The following SHISA4 variants were observed in gnomAD, a reference collection of about 807,000 sequenced individuals.
SHISA4 encodes the protein protein shisa-4.
Under a neutral mutation model 24.2 loss-of-function variants are expected in SHISA4, and 16 were observed. The observed-to-expected ratio is 0.66, with a 90% CI of 0.45 to 1.00. The LOEUF (loss-of-function observed/expected upper bound fraction) is 1.00. SHISA4 is among the 50% of genes least tolerant of loss of function. SHISA4 has a pLI of 0.00. For missense variants in SHISA4, 238 were observed against 258.9 expected, an observed-to-expected ratio of 0.92 and a Z score of 0.55; for synonymous variants, 106 against 105.4, an observed-to-expected ratio of 1.01 and a Z score of -0.04.
chr1:201,890,263 C>T (rs1248270544), intron 2 of SHISA4, among the ~76,000 whole-genome samples, 191 bp from the exon 3 acceptor site: 5 of 152,208 alleles, frequency 3.3e-5, no homozygotes, highest in Non-Finnish European at 7.3e-5. Flanking sequence ...CACTAGCCAG[C>T]CAGGCAGCAT....
intron 2 of SHISA4, 64 bp downstream of exon 2, chr1:201,889,680 C>G: frequency 6.3e-7 from 1 of 1,574,908 alleles, no homozygotes; most frequent in Non-Finnish European, 8.7e-7. Flanking sequence ...CCTCCTCTTC[C>G]TCCCTCCCGG....
In SHISA4 at chr1:201,891,588, C is replaced by T. The variant is rs752020167; in HGVS notation, c.547+20C>T. The T allele has an allele frequency of 6.3e-7, 1 of 1,594,814 alleles. No individual in the cohort carries two copies. Among genetic ancestry groups the T allele is most frequent in the South Asian group, 1.1e-5 (1 of 88,198 alleles). ...CTGCAGGTAAGTAAGCAATCTGGAG[C>T]CCCTTGCTGCTGCCTTCCCCCACCC... On this transcript the variant is annotated intron_variant, in intron 4 of 4. Coordinates refer to ENST00000362011, the MANE Select transcript of SHISA4 (RefSeq NM_198149.3).
chr1:201,890,526 C>T lies in SHISA4; in HGVS notation c.318C>T (p.Cys106=). 6.2e-7 allele frequency: 1 copy of T among 1,614,258 alleles called. No individual in the cohort carries two copies. The highest frequency in any genetic ancestry group is 1.3e-5 in the African/African-American group (1 of 75,064). ...CTGTGGTTGCCACCACCATCTGCTG[C>T]TTCCTCTGTTCCTGTTGCTACCTGT... ...FVAVVATTIC[C]FLCSCCYLYR... Residue 106 remains cysteine, a synonymous_variant, in exon 3 of 5, where the codon TGC becomes TGT. Transcript: ENST00000362011.
rs115750659 is a variant in SHISA4, at chr1:201,892,315, G to A, written c.*469G>A. 539 of 184,538 alleles carry A rather than the reference G, an allele frequency of 2.9e-3. 4 individuals are homozygous for A. Among genetic ancestry groups the A allele is most frequent in the Admixed American group, 4.3e-3 (75 of 17,366 alleles). The allele number at this position is 184,538 out of a possible 1,614,324, so 11.4% of individuals were successfully genotyped here. On this transcript the variant is annotated 3_prime_UTR_variant, in exon 5 of 5. Transcript: ENST00000362011. ...TGTAAAGACATAACTCATATCAGTC[G>A]CATCATTGGACCCATCCACACCTTC... is the stretch of plus-strand genomic sequence containing the variant.
intron 1 of SHISA4, 94 bp from the exon 2 acceptor site, chr1:201,889,351 C>T: frequency 3.9e-6 from 6 of 1,534,584 alleles, no homozygotes; most frequent in Non-Finnish European, 5.3e-6. Context: ...GTTCGGGAGC[C>T]GTCAGGCTGG....
Position 201,890,573 on chromosome 1 carries a change from A to G in SHISA4, c.365A>G (p.Gln122Arg). 6.2e-7 allele frequency: 1 copy of G among 1,614,226 alleles called. No homozygotes were observed. The highest frequency in any genetic ancestry group is 1.3e-5 in the African/African-American group (1 of 75,062). Reference protein sequence around the residue: ...CYLYRRRQQLQSPFEGQEIPM... With the variant: ...CYLYRRRQQLRSPFEGQEIPM... ...CTGTACCGCCGGCGCCAGCAGCTCC[A>G]GAGCCCATTTGAAGGTACACCCAGT... The change falls in exon 3 of 5, where the codon CAG (glutamine) becomes CGG (arginine). Residue 122 changes from glutamine (Q) to arginine (R), a missense_variant. Gln to Arg is a conservative substitution (Grantham distance 43, BLOSUM62 1). Coordinates refer to ENST00000362011, the MANE Select transcript of SHISA4 (RefSeq NM_198149.3).
In SHISA4 at chr1:201,890,368, C is replaced by T. The variant is rs531917098; in HGVS notation, c.246-86C>T. 7.8e-5 allele frequency: 120 copies of T among 1,542,250 alleles called. No individual in the cohort carries two copies. In the African/African-American group the frequency reaches 1.5e-3, roughly 19 times the overall value. The stretch of plus-strand genomic sequence containing the variant: ...CCAAATCTCAGCATGCCATGGCCCC[C>T]CTGCTGGCCAGGAGTTGGAGCCAGC... On this transcript the variant is annotated intron_variant, in intron 2 of 4. Transcript: ENST00000362011.
intron 4 of SHISA4, 41 bp downstream of exon 4, chr1:201,891,609 C>G (rs1681101844): frequency 6.3e-7 from 1 of 1,582,292 alleles, no homozygotes; most frequent in Non-Finnish European, 8.6e-7. Context: ...TGCCTTCCCC[C>G]ACCCCTTGCC....
At chr1:201,890,739 T>A in intron 3 of SHISA4, 152 bp downstream of exon 3, 1 of 1,028,378 alleles carries the variant, frequency 9.7e-7, no homozygotes, top group Non-Finnish European at 1.4e-6. Context: ...AAAATGCTTG[T>A]AAACCCGTGA....
At chr1:201,889,407 C>T in intron 1 of SHISA4, 38 bp from the exon 2 acceptor site, 1 of 1,606,442 alleles carries the variant, frequency 6.2e-7, no homozygotes. Flanking sequence ...GATGAACTGG[C>T]CTGGTGGCCA....
rs1164104358 is a variant in SHISA4 at position 201,889,553 on chromosome 1, AC to A, written c.183del (p.Cys62AlafsTer5). On this transcript the variant is annotated frameshift_variant, in exon 2 of 5. Transcript: ENST00000362011. LOFTEE classifies it high-confidence loss of function. The part of the protein sequence containing the change: ...TFCCGTCYHR[Y>X]CCRDLTLLIT... ...TGCTGCGGGACCTGCTACCATCGGT[AC>A]TGCTGCAGGGACCTGACCTTGCTTA... is the stretch of plus-strand genomic sequence containing the variant. 2 of 1,613,936 alleles carry A rather than the reference AC, an allele frequency of 1.2e-6. No homozygotes were observed. The highest frequency in any genetic ancestry group is 1.7e-6 in the Non-Finnish European group (2 of 1,179,978).
chr1:201,890,962 TGCCTGAGTGTTG>T (rs1293526296), intron 3 of SHISA4, among the ~76,000 whole-genome samples: 1 of 152,152 alleles, frequency 6.6e-6, no homozygotes, highest in Non-Finnish European at 1.5e-5. Context: ...GCAAAATATG[TGCCTGAGTGTTG>T]GCATGTGATG....
Position 201,891,970 on chromosome 1 carries a change from C to A in SHISA4, c.*124C>A. ...CCAGCCACCAGGCCCCAGACCAAGCCAAGCCCTGGGCCCTACTGGGGACAG... is the reference window on the plus strand; with the variant it reads ...CCAGCCACCAGGCCCCAGACCAAGCAAAGCCCTGGGCCCTACTGGGGACAG... On this transcript the variant is annotated 3_prime_UTR_variant, in exon 5 of 5. Coordinates refer to ENST00000362011, the MANE Select transcript of SHISA4 (RefSeq NM_198149.3). The A allele has an allele frequency of 8.6e-7, 1 of 1,159,004 alleles. No homozygotes were observed. Among genetic ancestry groups the A allele is most frequent in the Non-Finnish European group, 1.3e-6 (1 of 776,236 alleles). 71.8% of individuals were successfully genotyped at this position (1,159,004 alleles called of 1,614,324 possible). A position where few individuals can be genotyped will look rare whatever the true frequency, so the allele number is the denominator to read the frequency against.
intron 1 of SHISA4, 35 bp downstream of exon 1, chr1:201,889,102 A>T (rs1558230882): frequency 8.1e-6 from 11 of 1,362,324 alleles, no homozygotes; most frequent in Non-Finnish European, 1.1e-5. Flanking sequence ...CAGGAGTGGG[A>T]TGGGGGCGGA....
At chr1:201,891,241 C>T (rs1334410771) in intron 3 of SHISA4, among the ~76,000 whole-genome samples, 160 bp from the exon 4 acceptor site, 1 of 152,142 alleles carries the variant, frequency 6.6e-6, no homozygotes, top group Non-Finnish European at 1.5e-5. Flanking sequence ...TGCACAGCTC[C>T]CTGCTTAACT....
rs200829105 is a variant in SHISA4, at chr1:201,891,752, G to A, written c.548-48G>A. 4.3e-4 allele frequency: 688 copies of A among 1,608,596 alleles called. 1 individual carries two copies. The highest frequency in any genetic ancestry group is 5.4e-4 in the Non-Finnish European group (640 of 1,175,278). On this transcript the variant is annotated intron_variant, in intron 4 of 4. Coordinates refer to ENST00000362011, the MANE Select transcript of SHISA4 (RefSeq NM_198149.3). The stretch of plus-strand genomic sequence containing the variant: ...CCCGGGGGCAGGGGTGTTACTTTTC[G>A]TCCACCTATGCCACCACTCACCCTC...
Position 201,891,497 on chromosome 1 carries a change from T to C in SHISA4, c.476T>C (p.Ile159Thr), listed in dbSNP as rs757508099. The change falls in exon 4 of 5, where the codon ATA becomes ACA. Residue 159 changes from isoleucine to threonine, a missense_variant. Physicochemically the swap from Ile to Thr is moderately conservative, Grantham distance 89. Transcript: ENST00000362011. ...AGPAPPQPGFIYPPSGPAPQY... is the reference protein window; with the variant it reads ...AGPAPPQPGFTYPPSGPAPQY... ...CCTGCACCCCCACAGCCTGGCTTCA[T>C]ATACCCACCTAGTGGTCCTGCTCCC... 9.3e-6 allele frequency: 15 copies of C among 1,613,762 alleles called. 1 individual carries two copies. Among genetic ancestry groups the C allele is most frequent in the Non-Finnish European group, 1.3e-5 (15 of 1,179,858 alleles).
chr1:201,888,801 G>T (rs1026122720), upstream of SHISA4: 2 of 381,228 alleles, frequency 5.2e-6, no homozygotes, highest in Admixed American at 4.6e-5. Flanking sequence ...GCTGGTGGGT[G>T]GACTCCTGGG....
chr1:201,889,133 G>T, intron 1 of SHISA4, 66 bp downstream of exon 1: 1 of 1,345,566 alleles, frequency 7.4e-7, no homozygotes, highest in East Asian at 2.6e-5. Context: ...GGACCGATCC[G>T]AGGGGCTTGG....
Sources: allele counts gnomAD v4.1 joint callset (sites outside exome capture counted in the v4.1 genomes callset), GRCh38; gene constraint gnomAD v4.1.1; transcripts MANE v1.5; gene names NCBI Gene and HGNC (gene_info 2026-07-23, HGNC 2026-07-21).